Variants in RAPGEF3 observed in about 807,000 individuals in gnomAD.
The protein encoded by RAPGEF3 is 9330170P05Rik.
A neutral mutation model predicts 129.8 loss-of-function variants in RAPGEF3; 103 were observed. That is an observed-to-expected ratio of 0.79 (90% CI 0.68 to 0.93). The LOEUF (loss-of-function observed/expected upper bound fraction) is 0.93, where lower values mean the gene tolerates loss of function less well. RAPGEF3 is among the 40% of genes least tolerant of loss of function. The pLI is 0.00. For missense variants in RAPGEF3, 1,117 were observed against 1,207.4 expected, an observed-to-expected ratio of 0.93 and a Z score of 1.11; for synonymous variants, 436 against 482.6, an observed-to-expected ratio of 0.90 and a Z score of 1.26.
intron 16 of RAPGEF3, chr12:47,744,481 T>C (rs1941323811): frequency 4.8e-6 from 1 of 210,190 alleles, no homozygotes; most frequent in Non-Finnish European, 9.7e-6. Flanking sequence ...TTTATTTCCA[T>C]TTTATGGATG....
In RAPGEF3 at chr12:47,737,385, G is replaced by A; in HGVS notation, c.*182C>T. ...TATTCCTGGCTCGGGTCCACTCCGA[G>A]GTCCTCCTTAGCTGCCAGTCATCAC... On this transcript the variant is annotated 3_prime_UTR_variant, in exon 28 of 28. Coordinates refer to ENST00000449771, the MANE Select transcript of RAPGEF3 (RefSeq NM_001098531.4). 1 of 608,238 alleles carries A rather than the reference G, an allele frequency of 1.6e-6. No homozygotes were observed. The highest frequency in any genetic ancestry group is 2.0e-5 in the South Asian group (1 of 51,058). 37.7% of individuals were successfully genotyped at this position (608,238 alleles called of 1,614,324 possible). A position where few individuals can be genotyped will look rare whatever the true frequency, so the allele number is the denominator to read the frequency against.
In RAPGEF3 at chr12:47,736,434, A is replaced by AG. The variant is rs1197064251; in HGVS notation, c.*1132dup. 6.6e-6 allele frequency: 1 copy of AG among 152,284 alleles called. No individual in the cohort carries two copies. Among genetic ancestry groups the AG allele is most frequent in the African/African-American group, 2.4e-5 (1 of 41,464 alleles). 9.4% of individuals were successfully genotyped at this position (152,284 alleles called of 1,614,324 possible). A position where few individuals can be genotyped will look rare whatever the true frequency, so the allele number is the denominator to read the frequency against. ...GGACTCAGGGCAATAGCAAGGCAAGAGGGTGGAGTCCCTGGAGCTTCCTGG... is the reference window on the plus strand; with the variant it reads ...GGACTCAGGGCAATAGCAAGGCAAGAGGGGTGGAGTCCCTGGAGCTTCCTGG... On this transcript the variant is annotated 3_prime_UTR_variant, in exon 28 of 28. Transcript: ENST00000449771.
chr12:47,741,763 C>G, intron 18 of RAPGEF3, 161 bp from the exon 19 acceptor site: 1 of 622,684 alleles, frequency 1.6e-6, no homozygotes, highest in Non-Finnish European at 2.9e-6. Context: ...GTGCATGTGC[C>G]CACGCAGCCA....
At chr12:47,738,494 A>G (rs1940936619) in intron 25 of RAPGEF3, among the ~76,000 whole-genome samples, 196 bp downstream of exon 25, 1 of 152,214 alleles carries the variant, frequency 6.6e-6, no homozygotes, top group Admixed American at 6.5e-5. Flanking sequence ...CTCTCGTTGA[A>G]TGGTGAGACG....
At chr12:47,758,241 TC>T (rs1942217555) in intron 1 of RAPGEF3, 163 bp from the exon 2 acceptor site, 1 of 1,433,748 alleles carries the variant, frequency 7.0e-7, no homozygotes, top group East Asian at 2.5e-5. Flanking sequence ...AGGAAGACCT[TC>T]ACTGGGGCCT....
chr12:47,750,856 G>GC (rs1393370121), intron 6 of RAPGEF3, among the ~76,000 whole-genome samples, 192 bp downstream of exon 6: 1 of 152,200 alleles, frequency 6.6e-6, no homozygotes, highest in Non-Finnish European at 1.5e-5. Context: ...TGACTTGGGG[G>GC]GGTTTGGGAG....
In RAPGEF3 at chr12:47,757,985, C is replaced by CGTCAGGGA. The variant is rs1942191407; in HGVS notation, c.92_99dup (p.Val34SerfsTer15). ...TTGAGTAGTGTCCCCTCCGGCACCACGTCAGGGAGGGCTCCCACCCGCGGT... is the reference window on the plus strand; with the variant it reads ...TTGAGTAGTGTCCCCTCCGGCACCACGTCAGGGAGTCAGGGAGGGCTCCCACCCGCGGT... On this transcript the variant is annotated frameshift_variant, in exon 2 of 28. Coordinates refer to ENST00000449771, the MANE Select transcript of RAPGEF3 (RefSeq NM_001098531.4). LOFTEE classifies it high-confidence loss of function. The CGTCAGGGA allele has an allele frequency of 6.4e-7, 1 of 1,569,864 alleles. No individual in the cohort carries two copies. The highest frequency in any genetic ancestry group is 8.6e-7 in the Non-Finnish European group (1 of 1,157,072).
At position 47,740,332 on chromosome 12, in the gene RAPGEF3, G is replaced by T; in HGVS notation, c.2295C>A (p.Ala765=). ...FAVMFGLSNS[A]ISRLAHTWER... The stretch of plus-strand genomic sequence containing the variant: ...CCCAGGTGTGGGCTAGGCGGCTGAT[G>T]GCCGAGTTGCTGAGGCCAAACATGA... Residue 765 remains alanine (A), a synonymous_variant, in exon 22 of 28, where the codon GCC becomes GCA. Transcript: ENST00000449771. 1 of 1,614,118 alleles carries T rather than the reference G, an allele frequency of 6.2e-7. No individual in the cohort carries two copies. The highest frequency in any genetic ancestry group is 1.1e-5 in the South Asian group (1 of 91,080).
Position 47,744,018 on chromosome 12 carries a change from G to T in RAPGEF3, c.1647C>A (p.Gly549=), listed in dbSNP as rs1225032019. 1 of 1,612,340 alleles carries T rather than the reference G, an allele frequency of 6.2e-7. No homozygotes were observed. Among genetic ancestry groups the T allele is most frequent in the Non-Finnish European group, 8.5e-7 (1 of 1,178,426 alleles). Reference sequence around the variant, plus strand: ...CCCCAACTTGGATGGCACAGCTGCTGCCAGGAAGGGGCTCGTCCTGGTTGG... The same window carrying T: ...CCCCAACTTGGATGGCACAGCTGCTTCCAGGAAGGGGCTCGTCCTGGTTGG... ...WLPNQDEPLP[G]SSCAIQVGDK... is the part of the protein sequence containing the mutation. The change falls in exon 17 of 28, where the codon GGC becomes GGA. Residue 549 remains glycine, a synonymous_variant. Coordinates refer to ENST00000449771, the MANE Select transcript of RAPGEF3 (RefSeq NM_001098531.4).
At chr12:47,750,563 C>G (rs1432042157) in intron 6 of RAPGEF3, 138 bp from the exon 7 acceptor site, 6 of 719,138 alleles carry the variant, frequency 8.3e-6, no homozygotes, top group Non-Finnish European at 1.4e-5. Context: ...CTAACCTTTA[C>G]TGAGTGCGCA....
At chr12:47,748,701 T>C in intron 11 of RAPGEF3, 118 bp downstream of exon 11, 1 of 1,020,796 alleles carries the variant, frequency 9.8e-7, no homozygotes, top group Non-Finnish European at 1.5e-6. Context: ...TCCTGGTCCC[T>C]CAATACCTCT....
At position 47,735,025 on chromosome 12, in the gene RAPGEF3, C is replaced by T; in HGVS notation, c.*2542G>A. Reference sequence around the variant, plus strand: ...AGGGCCTGAGCCTGGCCACAGCCTGCCTCAGGCCTTCACAGGGAAGTGGAG... The same window carrying T: ...AGGGCCTGAGCCTGGCCACAGCCTGTCTCAGGCCTTCACAGGGAAGTGGAG... On this transcript the variant is annotated 3_prime_UTR_variant, in exon 28 of 28. Coordinates refer to ENST00000449771, the MANE Select transcript of RAPGEF3 (RefSeq NM_001098531.4). The T allele has an allele frequency of 6.6e-6, 1 of 152,564 alleles. No homozygotes were observed. Among genetic ancestry groups the T allele is most frequent in the Non-Finnish European group, 1.5e-5 (1 of 68,230 alleles). 9.5% of individuals were successfully genotyped at this position (152,564 alleles called of 1,614,324 possible). A position where few individuals can be genotyped will look rare whatever the true frequency, so the allele number is the denominator to read the frequency against.
At position 47,749,925 on chromosome 12, in the gene RAPGEF3, C is replaced by T; in HGVS notation, c.817+5G>A. On this transcript the variant is annotated splice_donor_5th_base_variant and intron_variant, in intron 8 of 27. Transcript: ENST00000449771. This position sits in a 1 kb window ranked among gnomAD's most constrained non-coding sequence, Gnocchi z 4.5. Reference sequence around the variant, plus strand: ...GCCTGGCTTCTTATGCCCTGCTGGACTTACACACGGTCCCTGCCTTGCTGT... The same window carrying T: ...GCCTGGCTTCTTATGCCCTGCTGGATTTACACACGGTCCCTGCCTTGCTGT... The T allele has an allele frequency of 6.2e-7, 1 of 1,614,240 alleles. No individual in the cohort carries two copies. The highest frequency in any genetic ancestry group is 8.5e-7 in the Non-Finnish European group (1 of 1,180,050).
In RAPGEF3 at chr12:47,740,767, G is replaced by A. The variant is rs752790461; in HGVS notation, c.2106C>T (p.Ala702=). The A allele has an allele frequency of 1.9e-6, 3 of 1,614,086 alleles. No homozygotes were observed. The highest frequency in any genetic ancestry group is 3.3e-5 in the Admixed American group (2 of 60,028). Residue 702 remains alanine, a synonymous_variant, in exon 21 of 28, where the codon GCC becomes GCT. Transcript: ENST00000449771. The stretch of plus-strand genomic sequence containing the variant: ...AGCGGCGCATGAAGCGCTCCAGGTT[G>A]GCGGTGGTGACATCCCGCAGATGCT... ...GPQHLRDVTT[A]NLERFMRRFN...
At chr12:47,752,490 G>C (rs1019200993) in intron 2 of RAPGEF3, 2 of 159,782 alleles carry the variant, frequency 1.3e-5, no homozygotes, top group African/African-American at 4.8e-5. Context: ...GGATCAGCCT[G>C]GTTGTCAAAA....
At chr12:47,739,973 C>T in intron 23 of RAPGEF3, 168 bp downstream of exon 23, 1 of 795,170 alleles carries the variant, frequency 1.3e-6, no homozygotes, top group Non-Finnish European at 2.1e-6. Context: ...CAGCCAGCTC[C>T]CCAAACTCAC....
intron 23 of RAPGEF3, chr12:47,739,609 C>G (rs1011270400): frequency 2.5e-4 from 110 of 434,310 alleles, no homozygotes; most frequent in Non-Finnish European, 4.4e-4. Context: ...CCAGGCTATG[C>G]TGATGAAGTA....
rs545529993 is a variant in RAPGEF3, at chr12:47,746,991, T to C, written c.1557-92A>G. The C allele has an allele frequency of 2.1e-4, 263 of 1,278,154 alleles. 5 individuals carry two copies. The South Asian group carries it at 3.5e-3, about 17-fold the overall frequency. The allele number at this position is 1,278,154 out of a possible 1,614,324, so 79.2% of individuals were successfully genotyped here. A position where few individuals can be genotyped will look rare whatever the true frequency, so the allele number is the denominator to read the frequency against. ...TGGGGCTCTGGATTCTCCCCGGCCC[T>C]CACCAGTGGTTCAGAGGTAAGCACG... On this transcript the variant is annotated intron_variant, in intron 15 of 27. Coordinates refer to ENST00000449771, the MANE Select transcript of RAPGEF3 (RefSeq NM_001098531.4).
chr12:47,740,205 G>A lies in RAPGEF3; in HGVS notation c.2323-14C>T, dbSNP rs747166467. On this transcript the variant is annotated splice_polypyrimidine_tract_variant and intron_variant, in intron 22 of 27. Transcript: ENST00000449771. ...GTGAGGCAGCCGCTGTGAAAAGGAG[G>A]CAGATGAGCGGCTGCTCTGGGGGAG... The A allele has an allele frequency of 8.1e-6, 13 of 1,613,814 alleles. No homozygotes were observed. Among genetic ancestry groups the A allele is most frequent in the Non-Finnish European group, 1.0e-5 (12 of 1,179,892 alleles).
Sources: gnomAD v4.1 joint callset for allele counts (sites outside exome capture counted in the v4.1 genomes callset) on GRCh38, gnomAD v4.1.1 for gene constraint, Gnocchi (gnomAD v3.1) non-coding constraint, MANE v1.5 for transcripts, NCBI Gene and HGNC (gene_info 2026-07-23, HGNC 2026-07-21) for gene names.